BICRA: variants seen among roughly 807,000 people sequenced by gnomAD.
BICRA encodes BRD4 interacting chromatin remodeling complex associated protein.
BICRA carries 31 observed loss-of-function variants against 96.9 expected under a neutral mutation model. The ratio of observed to expected loss-of-function variants is 0.32; its 90% confidence interval spans 0.24 to 0.43. The LOEUF (loss-of-function observed/expected upper bound fraction) is 0.43. BICRA is among the 20% of genes least tolerant of loss of function. BICRA has a pLI of 1.00. For synonymous variants in BICRA, 1,350 were observed against 1,071.8 expected, an observed-to-expected ratio of 1.26 and a Z score of -5.07; for missense variants, 2,283 against 2,190.3, an observed-to-expected ratio of 1.04 and a Z score of -0.84.
chr19:47,624,048 T>C (rs1972104439), intron 1 of BICRA, among the ~76,000 whole-genome samples: 1 of 151,920 alleles, frequency 6.6e-6, no homozygotes, highest in Admixed American at 6.6e-5. Flanking sequence ...TCGGGGTTTC[T>C]CCATGTTGGC....
At chr19:47,685,799 G>GCGCGCA (rs141802949) in intron 7 of BICRA, among the ~76,000 whole-genome samples, 38 of 148,840 alleles carry the variant, frequency 2.6e-4, no homozygotes, top group South Asian at 2.1e-3. Flanking sequence ...GCGCGCGCGC[G>GCGCGCA]CATGCGTACA....
chr19:47,651,152 A>G (rs921284937), intron 1 of BICRA, among the ~76,000 whole-genome samples: 1 of 151,748 alleles, frequency 6.6e-6, no homozygotes, highest in African/African-American at 2.4e-5. Context: ...TCTCCACTCT[A>G]CAGCCAGAAG....
chr19:47,638,235 C>G (rs572206607), intron 1 of BICRA, among the ~76,000 whole-genome samples: 4 of 152,334 alleles, frequency 2.6e-5, no homozygotes, highest in East Asian at 1.9e-4. Context: ...CTGCTCCCCC[C>G]TCAGGGAGGC....
intron 1 of BICRA, among the ~76,000 whole-genome samples, chr19:47,629,874 T>A (rs1046444612): frequency 6.6e-6 from 1 of 152,154 alleles, no homozygotes; most frequent in Non-Finnish European, 1.5e-5. Context: ...GCCAGCGTGG[T>A]CTCTAACTCC....
chr19:47,675,037 G>A lies in BICRA; in HGVS notation c.85-814G>A, dbSNP rs1481785522. On this transcript the variant is annotated intron_variant, in intron 4 of 14. Coordinates refer to ENST00000594866, the MANE Select transcript of BICRA (RefSeq NM_001394372.1). This position sits in a 1 kb window ranked among gnomAD's most constrained non-coding sequence, Gnocchi z 4.7. ...CTGGGCCATGGTGCAGGCAGTGGGGGAGGCATGTGGCACTGGATTTGGGAT... is the reference window on the plus strand; with the variant it reads ...CTGGGCCATGGTGCAGGCAGTGGGGAAGGCATGTGGCACTGGATTTGGGAT... Among the ~76,000 whole-genome samples, 1 of 152,200 alleles carries A rather than the reference G, an allele frequency of 6.6e-6. No individual in the cohort carries two copies. The highest frequency in any genetic ancestry group is 3.2e-3 in the Middle Eastern group (1 of 316).
intron 1 of BICRA, among the ~76,000 whole-genome samples, chr19:47,641,349 ATGTTTC>A (rs1405982079): frequency 1.3e-5 from 2 of 152,078 alleles, no homozygotes; most frequent in African/African-American, 4.8e-5. Context: ...AGGATACAGA[ATGTTTC>A]TGTTACCCCA....
At position 47,694,112 on chromosome 19, in the gene BICRA, CAG is replaced by C; in HGVS notation, c.2284-1_2284del. ...CTCCCCTCTCCCTCCCTCCCCTGCC[CAG>C]ATCCCGGCAGCGGCTCCGCTGAAGG... On this transcript the variant is annotated splice_acceptor_variant, in intron 7 of 14. Coordinates refer to ENST00000594866, the MANE Select transcript of BICRA (RefSeq NM_001394372.1). LOFTEE classifies it high-confidence loss of function. 2.7e-6 allele frequency: 4 copies of C among 1,493,988 alleles called. No homozygotes were observed. The highest frequency in any genetic ancestry group is 2.7e-6 in the Non-Finnish European group (3 of 1,119,916). 92.5% of individuals were successfully genotyped at this position (1,493,988 alleles called of 1,614,324 possible).
rs1375457597 is a variant in BICRA at position 47,694,224 on chromosome 19, G to A, written c.2393G>A (p.Arg798Gln). 1.7e-5 allele frequency: 4 copies of A among 241,064 alleles called. No individual in the cohort carries two copies. The highest frequency in any genetic ancestry group is 1.3e-4 in the South Asian group (2 of 15,594). 14.9% of individuals were successfully genotyped at this position (241,064 alleles called of 1,614,324 possible). A position where few individuals can be genotyped will look rare whatever the true frequency, so the allele number is the denominator to read the frequency against. ...SPHLPSPHPTRPPSRPPSRPQ... is the reference protein window; with the variant it reads ...SPHLPSPHPTQPPSRPPSRPQ... ...CACCTGCCCTCCCCACACCCCACCCGGCCCCCTTCCCGCCCACCCTCCCGG... is the reference window on the plus strand; with the variant it reads ...CACCTGCCCTCCCCACACCCCACCCAGCCCCCTTCCCGCCCACCCTCCCGG... The change falls in exon 8 of 15, where the codon CGG becomes CAG. Residue 798 changes from arginine to glutamine, a missense_variant. Transcript: ENST00000594866.
Position 47,679,585 on chromosome 19 carries a change from G to A in BICRA, c.415G>A (p.Gly139Ser). 6.5e-7 allele frequency: 1 copy of A among 1,539,620 alleles called. No individual in the cohort carries two copies. The highest frequency in any genetic ancestry group is 1.2e-5 in the South Asian group (1 of 82,740). The change falls in exon 6 of 15, where the codon GGC becomes AGC. Residue 139 changes from glycine (G) to serine (S), a missense_variant. Transcript: ENST00000594866. ...FQLPTLQPAD[G>S]GAGPTGAGGA... ...GCTGCCCACCCTGCAGCCTGCGGAT[G>A]GCGGGGCAGGCCCGACGGGCGCTGG...
chr19:47,688,712 C>T (rs1235483372), intron 7 of BICRA, among the ~76,000 whole-genome samples: 1 of 152,134 alleles, frequency 6.6e-6, no homozygotes, highest in Non-Finnish European at 1.5e-5. Context: ...TTGCTTGAAC[C>T]CGGGAGGCGG....
chr19:47,673,034 C>T (rs567690030), intron 2 of BICRA, among the ~76,000 whole-genome samples: 41 of 152,254 alleles, frequency 2.7e-4, no homozygotes, highest in African/African-American at 9.6e-4. Context: ...TTCTTGTCTA[C>T]ACTGGCTCCC....
chr19:47,666,312 C>T (rs1335426470), intron 1 of BICRA, among the ~76,000 whole-genome samples: 1 of 149,432 alleles, frequency 6.7e-6, no homozygotes, highest in African/African-American at 2.5e-5. Flanking sequence ...TTTTTTTGAG[C>T]TCTGTCATCC....
chr19:47,701,784 C>T lies in BICRA; in HGVS notation c.4052C>T (p.Pro1351Leu), dbSNP rs1296230197. ...KVAEPPPRPP[P>L]PPPPTGQMNG... The stretch of plus-strand genomic sequence containing the variant: ...GCCGAGCCCCCGCCACGGCCGCCAC[C>T]ACCACCGCCGCCCACGGGCCAGATG... Residue 1351 changes from proline (P) to leucine (L), a missense_variant, in exon 15 of 15, where the codon CCA (proline) becomes CTA (leucine). Coordinates refer to ENST00000594866, the MANE Select transcript of BICRA (RefSeq NM_001394372.1). The surrounding 1 kb of genome is among the most constrained non-coding windows in gnomAD (Gnocchi z 5.4). 1 of 1,539,766 alleles carries T rather than the reference C, an allele frequency of 6.5e-7. No individual in the cohort carries two copies. The highest frequency in any genetic ancestry group is 1.4e-5 in the African/African-American group (1 of 72,728).
chr19:47,622,714 A>AGGC (rs1972082446), intron 1 of BICRA, among the ~76,000 whole-genome samples: 4 of 104,668 alleles, frequency 3.8e-5, no homozygotes, highest in African/African-American at 7.8e-5. Flanking sequence ...ACAGAGTGAG[A>AGGC]CTCTGTCTCA....
At chr19:47,649,473 C>G (rs183880273) in intron 1 of BICRA, among the ~76,000 whole-genome samples, 1 of 152,268 alleles carries the variant, frequency 6.6e-6, no homozygotes, top group East Asian at 1.9e-4. Context: ...CCTCGAAGAT[C>G]TTGTGTCCTG....
chr19:47,682,212 G>A (rs1262845340), intron 7 of BICRA, 60 bp downstream of exon 7: 5 of 694,800 alleles, frequency 7.2e-6, no homozygotes, highest in Admixed American at 5.7e-5. Flanking sequence ...CCTCCTGCCC[G>A]CTCTCCCGCT....
Position 47,675,253 on chromosome 19 carries a change from G to T in BICRA, c.85-598G>T, listed in dbSNP as rs1354207311. Among the ~76,000 whole-genome samples the T allele has an allele frequency of 6.6e-6, 1 of 152,186 alleles. No homozygotes were observed. The highest frequency in any genetic ancestry group is 1.5e-5 in the Non-Finnish European group (1 of 68,038). ...GGTGGATGTACAAGTTGGGGTTCTGGAGAGATGTCCAGATGGAACAAGAAA... is the reference window on the plus strand; with the variant it reads ...GGTGGATGTACAAGTTGGGGTTCTGTAGAGATGTCCAGATGGAACAAGAAA... On this transcript the variant is annotated intron_variant, in intron 4 of 14. Coordinates refer to ENST00000594866, the MANE Select transcript of BICRA (RefSeq NM_001394372.1). This position sits in a 1 kb window ranked among gnomAD's most constrained non-coding sequence, Gnocchi z 4.7.
In BICRA at chr19:47,695,567, C is replaced by G. The variant is rs540730527; in HGVS notation, c.3186+93C>G. 8.9e-6 allele frequency: 6 copies of G among 673,294 alleles called. No homozygotes were observed. The Middle Eastern group carries it at 9.8e-4, about 110-fold the overall frequency. The allele number at this position is 673,294 out of a possible 1,614,324, so 41.7% of individuals were successfully genotyped here. ...GCAGGGGCAGGGAGACACTGGAAGA[C>G]GCGGACAGGATGAAGCTGGGACCAT... is the stretch of plus-strand genomic sequence containing the variant. On this transcript the variant is annotated intron_variant, in intron 10 of 14. Transcript: ENST00000594866.
intron 1 of BICRA, among the ~76,000 whole-genome samples, chr19:47,648,273 C>T (rs1972491737): frequency 6.6e-6 from 1 of 152,038 alleles, no homozygotes; most frequent in African/African-American, 2.4e-5. Flanking sequence ...CCGCCTCCAG[C>T]TGACCAATCC....
Sources: gnomAD v4.1 joint callset for allele counts (sites outside exome capture counted in the v4.1 genomes callset) on GRCh38, gnomAD v4.1.1 for gene constraint, Gnocchi (gnomAD v3.1) non-coding constraint, MANE v1.5 for transcripts, NCBI Gene and HGNC (gene_info 2026-07-23, HGNC 2026-07-21) for gene names.